Variants in MYRIP observed in about 807,000 individuals in gnomAD.
The protein encoded by MYRIP is rab effector MyRIP.
MYRIP carries 49 observed loss-of-function variants against 98.0 expected under a neutral mutation model. The ratio of observed to expected loss-of-function variants is 0.50; its 90% confidence interval spans 0.40 to 0.63. The LOEUF is 0.63. MYRIP is among the 30% of genes least tolerant of loss of function. The probability of loss-of-function intolerance (pLI) is 0.00; values close to 1 mark genes in which losing one functional copy is unlikely to be tolerated. For missense variants in MYRIP, 1,004 were observed against 1,058.2 expected (o/e 0.95, Z 0.71); for synonymous variants, 404 against 409.5 (o/e 0.99, Z 0.16).
chr3:40,016,596 C>A (rs1156662184), intron 2 of MYRIP, among the ~76,000 whole-genome samples: 1 of 152,202 alleles, frequency 6.6e-6, no homozygotes, highest in Non-Finnish European at 1.5e-5. Flanking sequence ...TGCAGCCTTG[C>A]TCAGCGGGTT....
At chr3:40,198,270 C>A (rs751708109) in intron 10 of MYRIP, among the ~76,000 whole-genome samples, 4 of 152,192 alleles carry the variant, frequency 2.6e-5, no homozygotes, top group Non-Finnish European at 5.9e-5. Flanking sequence ...CCCACTGCCA[C>A]AATAGAAGGC....
chr3:39,864,456 G>A (rs901173777), intron 1 of MYRIP, among the ~76,000 whole-genome samples: 12 of 152,026 alleles, frequency 7.9e-5, no homozygotes, highest in Admixed American at 7.2e-4. Flanking sequence ...TAAAGTTTCA[G>A]GATACAAAAA....
intron 1 of MYRIP, among the ~76,000 whole-genome samples, chr3:39,894,567 T>C (rs188053720): frequency 1.3e-5 from 2 of 152,368 alleles, no homozygotes; most frequent in Admixed American, 1.3e-4. Flanking sequence ...TGCTGTATAC[T>C]TTCTTGTATT....
chr3:40,232,677 C>T (rs1952695254), intron 11 of MYRIP, among the ~76,000 whole-genome samples: 1 of 152,206 alleles, frequency 6.6e-6, no homozygotes, highest in South Asian at 2.1e-4. Context: ...ACAGTGATCT[C>T]CAGCTTATTG....
intron 10 of MYRIP, among the ~76,000 whole-genome samples, chr3:40,197,558 C>T (rs1299587514): frequency 2.6e-5 from 4 of 152,200 alleles, no homozygotes; most frequent in Non-Finnish European, 5.9e-5. Flanking sequence ...ACTTCAAATG[C>T]AGGTCTATGT....
intron 3 of MYRIP, among the ~76,000 whole-genome samples, chr3:40,104,365 C>T (rs1249925946): frequency 6.6e-6 from 1 of 152,146 alleles, no homozygotes. Flanking sequence ...TCTCCATTTT[C>T]TCAGTGAGAA....
chr3:40,223,047 C>G (rs868615091), intron 11 of MYRIP, among the ~76,000 whole-genome samples: 2 of 152,048 alleles, frequency 1.3e-5, no homozygotes, highest in South Asian at 4.1e-4. Flanking sequence ...CTAACTCCAT[C>G]CATAATAAGA....
rs1358947867 is a variant in MYRIP, at chr3:40,217,346, G to T, written c.1905+7253G>T. On this transcript the variant is annotated intron_variant, in intron 11 of 16. Coordinates refer to ENST00000302541, the MANE Select transcript of MYRIP (RefSeq NM_015460.4). ...AAAATTCTCAACATATTGGCAAATT[G>T]TTTCTAACTATGAATTAAAGTAATA... is the stretch of plus-strand genomic sequence containing the variant. Among the ~76,000 whole-genome samples the T allele has an allele frequency of 2.0e-5, 3 of 152,072 alleles. No individual in the cohort carries two copies. In the East Asian group the frequency reaches 5.8e-4, roughly 29 times the overall value.
intron 2 of MYRIP, among the ~76,000 whole-genome samples, chr3:40,001,422 G>C (rs1048050101): frequency 6.6e-6 from 1 of 152,124 alleles, no homozygotes; most frequent in Non-Finnish European, 1.5e-5. Context: ...TCAGGCCCTC[G>C]AGTTTCCCTC....
intron 8 of MYRIP, 37 bp downstream of exon 8, chr3:40,170,130 G>A (rs755336447): frequency 3.7e-6 from 6 of 1,610,084 alleles, no homozygotes; most frequent in Non-Finnish European, 5.1e-6. Flanking sequence ...CCCTCCACAC[G>A]TGCAGGTCTG....
chr3:39,824,709 T>G (rs1210031181), intron 1 of MYRIP, among the ~76,000 whole-genome samples: 4 of 138,154 alleles, frequency 2.9e-5, no homozygotes, highest in Admixed American at 2.8e-4. Context: ...CGACTGATCG[T>G]TTTTTTTTTT....
intron 2 of MYRIP, among the ~76,000 whole-genome samples, chr3:39,954,485 A>C (rs1945107180): frequency 6.6e-6 from 1 of 152,210 alleles, no homozygotes. Flanking sequence ...TAACAAACGG[A>C]AAGGACATCC....
chr3:40,102,949 CT>C (rs1948975971), intron 3 of MYRIP, among the ~76,000 whole-genome samples: 1 of 151,782 alleles, frequency 6.6e-6, no homozygotes, highest in African/African-American at 2.4e-5. Context: ...TATTTCTATT[CT>C]ATTTAGGTTG....
chr3:40,157,950 C>T (rs1180742103), intron 4 of MYRIP, among the ~76,000 whole-genome samples: 1 of 152,162 alleles, frequency 6.6e-6, no homozygotes, highest in Non-Finnish European at 1.5e-5. Flanking sequence ...AAACCAGCTC[C>T]TGGATTCATT....
chr3:39,842,426 C>G (rs1941831371), intron 1 of MYRIP, among the ~76,000 whole-genome samples: 1 of 152,270 alleles, frequency 6.6e-6, no homozygotes, highest in Middle Eastern at 3.4e-3. Flanking sequence ...TGAGCTAGAC[C>G]ACTTGGCTCC....
intron 1 of MYRIP, among the ~76,000 whole-genome samples, chr3:39,836,504 A>G (rs1288634232): frequency 6.6e-6 from 1 of 152,118 alleles, no homozygotes; most frequent in Non-Finnish European, 1.5e-5. Context: ...CCTTGGTCAG[A>G]TGGATAGATT....
rs540250323 is a variant in MYRIP at position 40,003,505 on chromosome 3, A to C, written c.111-40545A>C. ...CAGAGCTGGGAAATTGGCCAGCTCC[A>C]GGTATTAGAAATCCAATAGGCTGGA... On this transcript the variant is annotated intron_variant, in intron 2 of 16. Coordinates refer to ENST00000302541, the MANE Select transcript of MYRIP (RefSeq NM_015460.4). 3.9e-5 allele frequency among the ~76,000 whole-genome samples: 6 copies of C among 152,354 alleles called. No homozygotes were observed. In the South Asian group the frequency reaches 1.2e-3, roughly 32 times the overall value.
rs201190979 is a variant in MYRIP at position 40,177,074 on chromosome 3, A to G, written c.874-5146A>G. Among the ~76,000 whole-genome samples the G allele has an allele frequency of 7.1e-4, 95 of 133,636 alleles. No individual in the cohort carries two copies. The East Asian group carries it at 0.019, about 26-fold the overall frequency. 87.7% of individuals were successfully genotyped at this position (133,636 alleles called of 152,430 possible). A position where few individuals can be genotyped will look rare whatever the true frequency, so the allele number is the denominator to read the frequency against. ...TGGGCAACAGAGCAAGACCCTGTCT[A>G]AAAAAAAAAAAAAATGTCAGAAATA... On this transcript the variant is annotated intron_variant, in intron 8 of 16. Coordinates refer to ENST00000302541, the MANE Select transcript of MYRIP (RefSeq NM_015460.4).
chr3:40,254,682 C>T (rs1421704748), intron 16 of MYRIP, among the ~76,000 whole-genome samples: 2 of 152,126 alleles, frequency 1.3e-5, no homozygotes, highest in African/African-American at 4.8e-5. Flanking sequence ...GGCAGGCTTG[C>T]ATGACCCAGT....
Sources: gnomAD v4.1 joint callset for allele counts (sites outside exome capture counted in the v4.1 genomes callset) on GRCh38, gnomAD v4.1.1 for gene constraint, MANE v1.5 for transcripts, NCBI Gene and HGNC (gene_info 2026-07-23, HGNC 2026-07-21) for gene names.